DOCK8: variants seen among roughly 807,000 people sequenced by gnomAD.
The protein encoded by DOCK8 is dedicator of cytokinesis protein 8.
DOCK8 carries 141 observed loss-of-function variants against 245.6 expected under a neutral mutation model. That is an observed-to-expected ratio of 0.57 (90% CI 0.50 to 0.66). The LOEUF is 0.66. DOCK8 is among the 30% of genes least tolerant of loss of function. The pLI, the probability that DOCK8 is intolerant of heterozygous loss-of-function variation, is 0.00. For missense variants in DOCK8, 2,965 were observed against 2,603.4 expected, an observed-to-expected ratio of 1.14 and a Z score of -3.02; for synonymous variants, 1,168 against 970.2, an observed-to-expected ratio of 1.20 and a Z score of -3.79.
At chr9:338,521 T>C (rs2051425405) in intron 12 of DOCK8, among the ~76,000 whole-genome samples, 1 of 152,228 alleles carries the variant, frequency 6.6e-6, no homozygotes, top group Non-Finnish European at 1.5e-5. Context: ...TTGGAGATCA[T>C]GCATGTGTGC....
Position 442,003 on chromosome 9 carries a change from A to C in DOCK8, c.5484A>C (p.Arg1828Ser). ...AITKLPEISH[R>S]LEAFYGQCFG... is the part of the protein sequence containing the mutation. ...CCAAGCTTCCTGAGATCTCACATAG[A>C]CTAGAGGTAAGAAAAGTGATTCTGT... The change falls in exon 42 of 48, where the codon AGA becomes AGC. Residue 1828 changes from arginine (R) to serine (S), a missense_variant. Transcript: ENST00000432829. 1 of 1,613,984 alleles carries C rather than the reference A, an allele frequency of 6.2e-7. No individual in the cohort carries two copies. Among genetic ancestry groups the C allele is most frequent in the South Asian group, 1.1e-5 (1 of 91,082 alleles).
At chr9:216,150 A>G (rs560999186) in intron 1 of DOCK8, among the ~76,000 whole-genome samples, 80 of 152,236 alleles carry the variant, frequency 5.3e-4, no homozygotes, top group Admixed American at 4.7e-3. Context: ...TGTTTCTCTT[A>G]CCTTACTATT....
In DOCK8 at chr9:231,914, G is replaced by C. The variant is rs9696923; in HGVS notation, c.53+16885G>C. Among the ~76,000 whole-genome samples the C allele has an allele frequency of 2.7e-3, 406 of 152,142 alleles. 3 individuals are homozygous for C. Among genetic ancestry groups the C allele is most frequent in the African/African-American group, 9.4e-3 (389 of 41,500 alleles). ...TTCCTTCTCCTGCCTGATTGCCCTGGCCAGAACTTCCAACATTATGTTGAA... is the reference window on the plus strand; with the variant it reads ...TTCCTTCTCCTGCCTGATTGCCCTGCCCAGAACTTCCAACATTATGTTGAA... On this transcript the variant is annotated intron_variant, in intron 1 of 47. Coordinates refer to ENST00000432829, the MANE Select transcript of DOCK8 (RefSeq NM_203447.4).
intron 5 of DOCK8, among the ~76,000 whole-genome samples, chr9:308,821 C>G (rs1032685591): frequency 6.6e-6 from 1 of 152,120 alleles, no homozygotes; most frequent in Non-Finnish European, 1.5e-5. Flanking sequence ...CGACACCCGG[C>G]TAATTTTTTG....
intron 14 of DOCK8, among the ~76,000 whole-genome samples, chr9:348,487 T>G (rs1481845779): frequency 6.6e-6 from 1 of 152,074 alleles, no homozygotes; most frequent in Non-Finnish European, 1.5e-5. Flanking sequence ...CAGTGACGAG[T>G]GTCATTTTTC....
At chr9:413,993 T>C (rs1206261793) in intron 28 of DOCK8, among the ~76,000 whole-genome samples, 2 of 152,056 alleles carry the variant, frequency 1.3e-5, no homozygotes, top group Admixed American at 1.3e-4. Context: ...AATACAAAAA[T>C]TAGCCAGGTG....
rs113617251 is a variant in DOCK8, at chr9:464,415, G to A, written c.*196G>A. 3 of 644,586 alleles carry A rather than the reference G, an allele frequency of 4.7e-6. No individual in the cohort carries two copies. The highest frequency in any genetic ancestry group is 1.8e-5 in the African/African-American group (1 of 55,140). The allele number at this position is 644,586 out of a possible 1,614,324, so 39.9% of individuals were successfully genotyped here. On this transcript the variant is annotated 3_prime_UTR_variant, in exon 48 of 48. Coordinates refer to ENST00000432829, the MANE Select transcript of DOCK8 (RefSeq NM_203447.4). ...CTCTGACCAGATTTTTGCCATACTGGGGGGTGGCGGGATGGAGGATGGGTA... is the reference window on the plus strand; with the variant it reads ...CTCTGACCAGATTTTTGCCATACTGAGGGGTGGCGGGATGGAGGATGGGTA...
In DOCK8 at chr9:464,318, G is replaced by GTACT. The variant is rs1564098970; in HGVS notation, c.*102_*103insTTAC. 1 of 992,376 alleles carries GTACT rather than the reference G, an allele frequency of 1.0e-6. No homozygotes were observed. The highest frequency in any genetic ancestry group is 1.6e-6 in the Non-Finnish European group (1 of 614,582). The allele number at this position is 992,376 out of a possible 1,614,324, so 61.5% of individuals were successfully genotyped here. A position where few individuals can be genotyped will look rare whatever the true frequency, so the allele number is the denominator to read the frequency against. On this transcript the variant is annotated 3_prime_UTR_variant, in exon 48 of 48. Coordinates refer to ENST00000432829, the MANE Select transcript of DOCK8 (RefSeq NM_203447.4). Reference sequence around the variant, plus strand: ...GGACATTTGCCACCCAGGACTGACTGTACACTCCCTGATCAGCCAGCACTC... The same window carrying GTACT: ...GGACATTTGCCACCCAGGACTGACTGTACTTACACTCCCTGATCAGCCAGCACTC...
rs530224854 is a variant in DOCK8 at position 232,811 on chromosome 9, C to T, written c.53+17782C>T. 8.1e-4 allele frequency among the ~76,000 whole-genome samples: 124 copies of T among 152,176 alleles called. 1 individual carries two copies. In the Middle Eastern group the frequency reaches 0.01, roughly 13 times the overall value. On this transcript the variant is annotated intron_variant, in intron 1 of 47. Transcript: ENST00000432829. ...TTTTCTTCTTTGTTAGTCTTGCTAGCGGTCTATCAATTTTGTTGATCTTTT... is the reference window on the plus strand; with the variant it reads ...TTTTCTTCTTTGTTAGTCTTGCTAGTGGTCTATCAATTTTGTTGATCTTTT...
At chr9:354,349 T>C (rs2052323181) in intron 14 of DOCK8, among the ~76,000 whole-genome samples, 1 of 152,200 alleles carries the variant, frequency 6.6e-6, no homozygotes, top group Non-Finnish European at 1.5e-5. Flanking sequence ...ATTATGTCCT[T>C]AGACCAGGAG....
chr9:372,720 A>G (rs1237143389), intron 18 of DOCK8, among the ~76,000 whole-genome samples: 2 of 152,184 alleles, frequency 1.3e-5, no homozygotes, highest in African/African-American at 4.8e-5. Context: ...CCCAATGCCA[A>G]TAGCCTTTCC....
At chr9:367,910 T>A in intron 14 of DOCK8, 108 bp from the exon 15 acceptor site, 4 of 892,144 alleles carry the variant, frequency 4.5e-6, no homozygotes, top group Non-Finnish European at 7.4e-6. Flanking sequence ...GAGGAAAAAC[T>A]TCTTTGGAAA....
intron 9 of DOCK8, among the ~76,000 whole-genome samples, chr9:328,574 C>T (rs2130829357): frequency 6.6e-6 from 1 of 152,284 alleles, no homozygotes; most frequent in South Asian, 2.1e-4. Context: ...TGACCTGGTG[C>T]AAAGAAGCTG....
rs878868968 is a variant in DOCK8 at position 465,081 on chromosome 9, GCTGT to G, written c.*868_*871del. 2.6e-5 allele frequency: 4 copies of G among 152,490 alleles called. No individual in the cohort carries two copies. Among genetic ancestry groups the G allele is most frequent in the Non-Finnish European group, 4.4e-5 (3 of 68,028 alleles). 9.4% of individuals were successfully genotyped at this position (152,490 alleles called of 1,614,324 possible). A position where few individuals can be genotyped will look rare whatever the true frequency, so the allele number is the denominator to read the frequency against. ...CTCTGTTTTCATTTCAGAACATTGT[GCTGT>G]CTGTCAGCATATGTATATCAGCTAC... is the stretch of plus-strand genomic sequence containing the variant. On this transcript the variant is annotated 3_prime_UTR_variant, in exon 48 of 48. Coordinates refer to ENST00000432829, the MANE Select transcript of DOCK8 (RefSeq NM_203447.4).
At chr9:452,209 C>T (rs2057490509) in intron 46 of DOCK8, 92 bp downstream of exon 46, 2 of 821,368 alleles carry the variant, frequency 2.4e-6, no homozygotes, top group Non-Finnish European at 4.0e-6. Context: ...TGAGAACTTG[C>T]TAGAAAGACA....
Position 433,753 on chromosome 9 carries a change from C to T in DOCK8, c.4786-122C>T, listed in dbSNP as rs2056799609. 4 of 801,066 alleles carry T rather than the reference C, an allele frequency of 5.0e-6. No homozygotes were observed. The East Asian group carries it at 1.0e-4, about 21-fold the overall frequency. 49.6% of individuals were successfully genotyped at this position (801,066 alleles called of 1,614,324 possible). A position where few individuals can be genotyped will look rare whatever the true frequency, so the allele number is the denominator to read the frequency against. ...TCAGGTCTAGATGACTCCGCCATCCCTAGTCTCTGCTGCCCTCTGATCCAA... is the reference window on the plus strand; with the variant it reads ...TCAGGTCTAGATGACTCCGCCATCCTTAGTCTCTGCTGCCCTCTGATCCAA... On this transcript the variant is annotated intron_variant, in intron 37 of 47. Transcript: ENST00000432829.
rs554553389 is a variant in DOCK8, at chr9:292,308, A to G, written c.404+2727A>G. On this transcript the variant is annotated intron_variant, in intron 4 of 47. Transcript: ENST00000432829. ...TCACTTGATCCTCTAAAAATAGCTA[A>G]ACTGGGAGGCAGAGGTTGTGGTGAG... 1.4e-3 allele frequency among the ~76,000 whole-genome samples: 181 copies of G among 132,674 alleles called. 2 individuals are homozygous for G. The highest frequency in any genetic ancestry group is 4.9e-3 in the African/African-American group (173 of 35,518). 87.0% of individuals were successfully genotyped at this position (132,674 alleles called of 152,430 possible). A position where few individuals can be genotyped will look rare whatever the true frequency, so the allele number is the denominator to read the frequency against.
At chr9:350,139 A>G (rs10122247) in intron 14 of DOCK8, among the ~76,000 whole-genome samples, 36,983 of 151,972 alleles carry the variant, frequency 0.24, 7,382 homozygotes, top group African/African-American at 0.55. Flanking sequence ...AAGAGACAGG[A>G]TCTTGCTCTG....
chr9:405,318 A>C (rs1315150786), intron 27 of DOCK8, among the ~76,000 whole-genome samples: 1 of 152,248 alleles, frequency 6.6e-6, no homozygotes, highest in Non-Finnish European at 1.5e-5. Context: ...GAATCCAATA[A>C]GCCCTATGAA....
Sources: allele counts gnomAD v4.1 joint callset (sites outside exome capture counted in the v4.1 genomes callset), GRCh38; gene constraint gnomAD v4.1.1; transcripts MANE v1.5; gene names NCBI Gene and HGNC (gene_info 2026-07-23, HGNC 2026-07-21).